Variants in RUNX1T1 observed in about 807,000 individuals in gnomAD.
The protein encoded by RUNX1T1 is RUNX1 partner transcriptional co-repressor 1.
Under a neutral mutation model 62.8 loss-of-function variants are expected in RUNX1T1, and 4 were observed. The ratio of observed to expected loss-of-function variants is 0.06; its 90% CI spans 0.03 to 0.15. The LOEUF is 0.15. Among genes scored for constraint, RUNX1T1 ranks in the 10% least tolerant of loss-of-function variants. The pLI, the probability that RUNX1T1 is intolerant of heterozygous loss-of-function variation, is 1.00. For synonymous variants in RUNX1T1, 291 were observed against 286.0 expected (o/e 1.02, Z -0.18); for missense variants, 508 against 754.3 (o/e 0.67, Z 3.82).
chr8:92,060,289 T>A (rs557834350), intron 1 of RUNX1T1, among the ~76,000 whole-genome samples: 61 of 151,978 alleles, frequency 4.0e-4, no homozygotes, highest in African/African-American at 1.3e-3. Context: ...TTTGAAACAA[T>A]ATGCTAGCAA....
chr8:92,003,331 CACAAT>C (rs1563727885), intron 5 of RUNX1T1: 1 of 456,138 alleles, frequency 2.2e-6, no homozygotes, highest in Non-Finnish European at 4.4e-6. Context: ...AGTCAAAAGT[CACAAT>C]ACATTCAAAT....
chr8:91,966,124 A>AAT (rs919441767), intron 10 of RUNX1T1, among the ~76,000 whole-genome samples: 10 of 147,506 alleles, frequency 6.8e-5, no homozygotes, highest in African/African-American at 9.9e-5. Context: ...ATATTTATAA[A>AAT]ATATATATAT....
intron 4 of RUNX1T1, among the ~76,000 whole-genome samples, chr8:92,007,055 A>G (rs180855529): frequency 6.6e-6 from 1 of 152,198 alleles, no homozygotes; most frequent in Non-Finnish European, 1.5e-5. Flanking sequence ...AATATATTGT[A>G]TATATTTTTT....
At chr8:92,026,903 G>A (rs908472746) in intron 1 of RUNX1T1, among the ~76,000 whole-genome samples, 25 of 151,230 alleles carry the variant, frequency 1.7e-4, no homozygotes, top group Middle Eastern at 7.0e-3. Flanking sequence ...GGATCACGAG[G>A]TCAGGAGATC....
At chr8:91,995,022 T>C (rs943033053) in intron 5 of RUNX1T1, among the ~76,000 whole-genome samples, 2 of 152,224 alleles carry the variant, frequency 1.3e-5, no homozygotes, top group Admixed American at 6.5e-5. Flanking sequence ...CATTCCTTGG[T>C]TTGAACAATT....
At chr8:92,008,283 G>C (rs936706859) in intron 4 of RUNX1T1, among the ~76,000 whole-genome samples, 1 of 151,872 alleles carries the variant, frequency 6.6e-6, no homozygotes, top group Admixed American at 6.6e-5. Flanking sequence ...GAGGAAGCGG[G>C]GGGGAAGTGA....
intron 1 of RUNX1T1, among the ~76,000 whole-genome samples, chr8:92,030,413 T>C (rs1173684651): frequency 6.6e-6 from 1 of 152,178 alleles, no homozygotes; most frequent in Non-Finnish European, 1.5e-5. Context: ...ACAGTGGATA[T>C]ATAAGAAATT....
chr8:92,080,432 G>A lies in RUNX1T1; in HGVS notation c.-85-4295C>T, dbSNP rs554584813. Among the ~76,000 whole-genome samples the A allele has an allele frequency of 1.4e-4, 21 of 152,312 alleles. No individual in the cohort carries two copies. In the South Asian group the frequency reaches 4.1e-3, roughly 30 times the overall value. On this transcript the variant is annotated intron_variant, in intron 1 of 11. Transcript: ENST00000265814. The stretch of plus-strand genomic sequence containing the variant: ...ATAGGGCAGCATGGAAATCACCCAC[G>A]ACATCCACGGCTATGAAGCCAGCCC...
intron 8 of RUNX1T1, among the ~76,000 whole-genome samples, chr8:91,976,759 T>A (rs891274995): frequency 6.6e-6 from 1 of 152,260 alleles, no homozygotes; most frequent in African/African-American, 2.4e-5. Context: ...TTCTTACATA[T>A]GCTCAAAAGT....
At chr8:91,974,084 A>G (rs1813407360) in intron 9 of RUNX1T1, among the ~76,000 whole-genome samples, 1 of 152,050 alleles carries the variant, frequency 6.6e-6, no homozygotes, top group African/African-American at 2.4e-5. Flanking sequence ...TACTCTCTTA[A>G]GTCCCCAAAA....
intron 9 of RUNX1T1, among the ~76,000 whole-genome samples, chr8:91,974,618 T>C (rs1316225297): frequency 1.3e-5 from 2 of 152,112 alleles, no homozygotes; most frequent in African/African-American, 4.8e-5. Context: ...TTGCCCGTCT[T>C]TTCAGGTAGG....
At chr8:92,080,635 C>A (rs569698933) in intron 1 of RUNX1T1, among the ~76,000 whole-genome samples, 10 of 152,352 alleles carry the variant, frequency 6.6e-5, no homozygotes, top group African/African-American at 2.4e-4. Context: ...TTGGACCCTA[C>A]ATTGATGCAC....
intron 1 of RUNX1T1, among the ~76,000 whole-genome samples, chr8:92,089,473 A>G (rs1231023300): frequency 1.3e-5 from 2 of 152,174 alleles, no homozygotes; most frequent in African/African-American, 2.4e-5. Flanking sequence ...AATGGCTTAA[A>G]GAGGTCATTT....
At chr8:92,041,690 C>A (rs1010487472) in intron 1 of RUNX1T1, among the ~76,000 whole-genome samples, 2 of 152,016 alleles carry the variant, frequency 1.3e-5, no homozygotes, top group Admixed American at 1.3e-4. Flanking sequence ...TGTAGTAAGC[C>A]GAGATCACGC....
At chr8:92,074,477 C>T (rs546250385) in intron 2 of RUNX1T1, among the ~76,000 whole-genome samples, 1 of 152,182 alleles carries the variant, frequency 6.6e-6, no homozygotes, top group African/African-American at 2.4e-5. Flanking sequence ...TTAATACAAA[C>T]TCCACGCAGA....
intron 2 of RUNX1T1, among the ~76,000 whole-genome samples, chr8:92,015,370 C>T (rs1822788861): frequency 6.6e-6 from 1 of 152,184 alleles, no homozygotes; most frequent in Middle Eastern, 3.2e-3. Flanking sequence ...CCTCATACTT[C>T]TTAACCACTT....
At chr8:91,970,561 C>T in intron 10 of RUNX1T1, 97 bp downstream of exon 11, 1 of 1,147,088 alleles carries the variant, frequency 8.7e-7, no homozygotes, top group Non-Finnish European at 1.2e-6. Flanking sequence ...AAATTTTTTT[C>T]CAAATATTTA....
rs150373578 is a variant in RUNX1T1 at position 92,058,032 on chromosome 8, C to T, written c.7+4514G>A. ...CAGGCAAGGCATTCCAATAGGCGTTCGTGTAGCCCATTGTGCATCCTTCCC... is the reference window on the plus strand; with the variant it reads ...CAGGCAAGGCATTCCAATAGGCGTTTGTGTAGCCCATTGTGCATCCTTCCC... On this transcript the variant is annotated intron_variant, in intron 1 of 10. Transcript: ENST00000396218. 1.3e-4 allele frequency among the ~76,000 whole-genome samples: 20 copies of T among 152,258 alleles called. No homozygotes were observed. The East Asian group carries it at 3.5e-3, about 26-fold the overall frequency.
At chr8:91,998,769 T>A (rs1754858320) in intron 5 of RUNX1T1, among the ~76,000 whole-genome samples, 1 of 152,228 alleles carries the variant, frequency 6.6e-6, no homozygotes, top group Non-Finnish European at 1.5e-5. Context: ...CTTATTCGAA[T>A]CTGTCACCTG....
Sources: gnomAD v4.1 joint callset for allele counts (sites outside exome capture counted in the v4.1 genomes callset) on GRCh38, gnomAD v4.1.1 for gene constraint, MANE v1.5 for transcripts, NCBI Gene and HGNC (gene_info 2026-07-23, HGNC 2026-07-21) for gene names.